The following SGMS1 variants were observed in gnomAD, a reference collection of about 807,000 sequenced individuals.
SGMS1 encodes the protein sphingomyelin synthase 1.
In SGMS1, 13 loss-of-function variants were observed where a neutral mutation model predicts 46.2. The ratio of observed to expected loss-of-function variants is 0.28; its 90% CI spans 0.18 to 0.45. The LOEUF (loss-of-function observed/expected upper bound fraction) is 0.45, where lower values mean the gene tolerates loss of function less well. Ranked by LOEUF, SGMS1 falls within the 20% of genes least tolerant of loss-of-function variation. SGMS1 has a pLI of 1.00. For missense variants in SGMS1, 324 were observed against 519.9 expected, an observed-to-expected ratio of 0.62 and a Z score of 3.66; for synonymous variants, 203 against 187.8, an observed-to-expected ratio of 1.08 and a Z score of -0.66.
At chr10:50,411,327 T>C (rs1373303567) in intron 6 of SGMS1, among the ~76,000 whole-genome samples, 1 of 152,350 alleles carries the variant, frequency 6.6e-6, no homozygotes, top group Non-Finnish European at 1.5e-5. Context: ...CTTAAATCTG[T>C]TTGTTCCTTT....
At chr10:50,463,647 CTA>C (rs1588841205) in intron 4 of SGMS1, among the ~76,000 whole-genome samples, 1 of 152,200 alleles carries the variant, frequency 6.6e-6, no homozygotes, top group South Asian at 2.1e-4. Flanking sequence ...AATAGAACTA[CTA>C]TATGATCCAG....
At chr10:50,519,635 AGT>A (rs1463855292) in intron 3 of SGMS1, among the ~76,000 whole-genome samples, 194 bp downstream of exon 3, 1 of 152,118 alleles carries the variant, frequency 6.6e-6, no homozygotes, top group Non-Finnish European at 1.5e-5. Flanking sequence ...GGCCTCTTTA[AGT>A]GTGTTTCCTA....
intron 6 of SGMS1, among the ~76,000 whole-genome samples, chr10:50,346,323 T>C (rs912542411): frequency 4.6e-5 from 7 of 152,202 alleles, no homozygotes; most frequent in South Asian, 2.1e-4. Flanking sequence ...TTATCTATTA[T>C]ATCCAGTAGC....
chr10:50,499,218 G>GA (rs898109388), intron 3 of SGMS1, among the ~76,000 whole-genome samples: 1 of 152,172 alleles, frequency 6.6e-6, no homozygotes, highest in Non-Finnish European at 1.5e-5. Context: ...ATTCAAATAT[G>GA]AAACAGCTAC....
intron 3 of SGMS1, among the ~76,000 whole-genome samples, chr10:50,512,646 A>G (rs1057151414): frequency 6.6e-6 from 1 of 152,134 alleles, no homozygotes; most frequent in African/African-American, 2.4e-5. Flanking sequence ...AGTTTATGGG[A>G]AAAAAAGACA....
At chr10:50,572,459 C>A (rs923277318) in intron 2 of SGMS1, among the ~76,000 whole-genome samples, 1 of 151,920 alleles carries the variant, frequency 6.6e-6, no homozygotes, top group African/African-American at 2.4e-5. Flanking sequence ...ATGTGCTCTG[C>A]AGTGTTGTCA....
At chr10:50,461,416 T>G (rs1010960588) in intron 4 of SGMS1, among the ~76,000 whole-genome samples, 1 of 152,208 alleles carries the variant, frequency 6.6e-6, no homozygotes, top group African/African-American at 2.4e-5. Context: ...ATTTAGTGCC[T>G]CATTTGTAGT....
Position 50,369,354 on chromosome 10 carries a change from C to T in SGMS1, c.-231-25009G>A, listed in dbSNP as rs1466416063. 5.3e-5 allele frequency among the ~76,000 whole-genome samples: 8 copies of T among 152,018 alleles called. No individual in the cohort carries two copies. In the East Asian group the frequency reaches 1.2e-3, roughly 22 times the overall value. On this transcript the variant is annotated intron_variant, in intron 6 of 10. Transcript: ENST00000361781. ...CTCTACAAAAAATTTAAAAATTGGC[C>T]CAGTGTGATGGCACATGCTTATGGT... is the stretch of plus-strand genomic sequence containing the variant.
At chr10:50,580,591 C>T (rs887640806) in intron 2 of SGMS1, among the ~76,000 whole-genome samples, 2 of 152,076 alleles carry the variant, frequency 1.3e-5, no homozygotes, top group Admixed American at 1.3e-4. Context: ...ATATTAATGA[C>T]GTGAGTGGGC....
chr10:50,550,812 C>T (rs1838142161), intron 2 of SGMS1, among the ~76,000 whole-genome samples: 1 of 152,144 alleles, frequency 6.6e-6, no homozygotes, highest in Admixed American at 6.6e-5. Flanking sequence ...TAAGGACGTA[C>T]TAAAACATAC....
At chr10:50,346,168 A>G (rs1847908700) in intron 6 of SGMS1, among the ~76,000 whole-genome samples, 1 of 152,354 alleles carries the variant, frequency 6.6e-6, no homozygotes, top group South Asian at 2.1e-4. Flanking sequence ...GATAATGATA[A>G]TCAAGTATTT....
At chr10:50,432,478 G>GT (rs1849416373) in intron 6 of SGMS1, among the ~76,000 whole-genome samples, 1 of 152,088 alleles carries the variant, frequency 6.6e-6, no homozygotes, top group African/African-American at 2.4e-5. Flanking sequence ...CACAGCAGTG[G>GT]TACTTACACA....
intron 6 of SGMS1, among the ~76,000 whole-genome samples, chr10:50,381,278 AAAG>A (rs1418605778): frequency 1.4e-4 from 22 of 152,044 alleles, no homozygotes; most frequent in East Asian, 1.2e-3. Context: ...AGAAAAAAAA[AAAG>A]AAGAAGAAGA....
At chr10:50,356,513 T>C (rs1034365725) in intron 6 of SGMS1, among the ~76,000 whole-genome samples, 1 of 151,960 alleles carries the variant, frequency 6.6e-6, no homozygotes, top group African/African-American at 2.4e-5. Context: ...TATTGTCCTA[T>C]GACCCTGCCA....
At chr10:50,355,328 G>A (rs1376611778) in intron 6 of SGMS1, among the ~76,000 whole-genome samples, 2 of 152,132 alleles carry the variant, frequency 1.3e-5, no homozygotes, top group African/African-American at 4.8e-5. Context: ...ATGCCAAGCC[G>A]AGGCTGGACT....
chr10:50,425,527 T>G (rs958454269), intron 6 of SGMS1, among the ~76,000 whole-genome samples: 5 of 152,198 alleles, frequency 3.3e-5, no homozygotes, highest in Non-Finnish European at 7.3e-5. Context: ...TTCTCACTTA[T>G]AAGTGGGACC....
chr10:50,513,678 A>C (rs1043375299), intron 3 of SGMS1, among the ~76,000 whole-genome samples: 1 of 152,240 alleles, frequency 6.6e-6, no homozygotes, highest in Non-Finnish European at 1.5e-5. Context: ...ATGCATATTC[A>C]TCAATTAATA....
At chr10:50,454,858 CAAG>C (rs1837171742) in intron 5 of SGMS1, among the ~76,000 whole-genome samples, 1 of 152,114 alleles carries the variant, frequency 6.6e-6, no homozygotes, top group Non-Finnish European at 1.5e-5. Flanking sequence ...ATAGGCAGTA[CAAG>C]AAGTAAACAG....
intron 1 of SGMS1, chr10:50,623,466 G>T: frequency 1.8e-6 from 1 of 569,682 alleles, no homozygotes; most frequent in Non-Finnish European, 2.2e-6. Flanking sequence ...CCGGCGGCCC[G>T]CCCCCTCCGA....
Sources: allele counts gnomAD v4.1 joint callset (sites outside exome capture counted in the v4.1 genomes callset), GRCh38; gene constraint gnomAD v4.1.1; transcripts MANE v1.5; gene names NCBI Gene and HGNC (gene_info 2026-07-23, HGNC 2026-07-21).